The following MBOAT2 variants were observed in gnomAD, a reference collection of about 807,000 sequenced individuals.
The protein encoded by MBOAT2 is membrane bound glycerophospholipid O-acyltransferase 2.
A neutral mutation model predicts 63.4 loss-of-function variants in MBOAT2; 28 were observed. That is an observed-to-expected ratio of 0.44 (90% CI 0.33 to 0.61). The LOEUF (loss-of-function observed/expected upper bound fraction) is 0.61, where lower values mean the gene tolerates loss of function less well. MBOAT2 is among the 20% of genes least tolerant of loss of function. The probability of loss-of-function intolerance (pLI) is 0.03; values close to 1 mark genes in which losing one functional copy is unlikely to be tolerated. For synonymous variants in MBOAT2, 211 were observed against 215.6 expected (o/e 0.98, Z 0.19); for missense variants, 470 against 605.8 (o/e 0.78, Z 2.35).
intron 3 of MBOAT2, among the ~76,000 whole-genome samples, chr2:8,930,349 C>A (rs930537119): frequency 2.6e-5 from 4 of 152,064 alleles, no homozygotes; most frequent in Non-Finnish European, 5.9e-5. Flanking sequence ...TTTGTCCTTG[C>A]GATAGTTTGC....
chr2:8,900,373 C>A lies in MBOAT2; in HGVS notation c.395+8248G>T, dbSNP rs542227489. On this transcript the variant is annotated intron_variant, in intron 4 of 12. Transcript: ENST00000305997. ...AGGCCAGGGTTTGATCTAATAATAG[C>A]ATGACATCTCTCCAAGTGAGCTCAA... Among the ~76,000 whole-genome samples the A allele has an allele frequency of 2.5e-3, 384 of 152,356 alleles. 2 individuals carry two copies. Among genetic ancestry groups the A allele is most frequent in the Non-Finnish European group, 3.8e-3 (259 of 68,032 alleles).
At position 8,854,183 on chromosome 2, in the gene MBOAT2, T is replaced by A. The variant is rs13402096; in HGVS notation, c.*4496A>T. Reference sequence around the variant, plus strand: ...AACACTGTAGAGACCCTCTATGTTCTAATCTTTCAAACTCAAATTTCAGGG... The same window carrying A: ...AACACTGTAGAGACCCTCTATGTTCAAATCTTTCAAACTCAAATTTCAGGG... On this transcript the variant is annotated 3_prime_UTR_variant, in exon 13 of 13. Transcript: ENST00000305997. 1 of 152,236 alleles carries A rather than the reference T, an allele frequency of 6.6e-6. No individual in the cohort carries two copies. The highest frequency in any genetic ancestry group is 1.9e-4 in the East Asian group (1 of 5,204). The allele number at this position is 152,236 out of a possible 1,614,324, so 9.4% of individuals were successfully genotyped here.
At chr2:8,985,701 C>T (rs1291639263) in intron 1 of MBOAT2, among the ~76,000 whole-genome samples, 2 of 152,108 alleles carry the variant, frequency 1.3e-5, no homozygotes, top group Admixed American at 6.5e-5. Flanking sequence ...ATCAGTTCTA[C>T]CTTCAAGTAT....
At chr2:8,914,466 A>G (rs1232967624) in intron 3 of MBOAT2, among the ~76,000 whole-genome samples, 1 of 151,920 alleles carries the variant, frequency 6.6e-6, no homozygotes, top group African/African-American at 2.4e-5. Flanking sequence ...AATTGCAGCC[A>G]TAAGTTAGCT....
chr2:8,859,090 C>T (rs896369498), intron 12 of MBOAT2, among the ~76,000 whole-genome samples, 186 bp from the exon 13 acceptor site: 3 of 152,144 alleles, frequency 2.0e-5, no homozygotes, highest in African/African-American at 7.2e-5. Context: ...GTATTTATAG[C>T]ACTGGATAAA....
At chr2:8,891,693 T>A (rs910545511) in intron 4 of MBOAT2, among the ~76,000 whole-genome samples, 1 of 152,178 alleles carries the variant, frequency 6.6e-6, no homozygotes, top group African/African-American at 2.4e-5. Flanking sequence ...CTGGGATACC[T>A]TGACACGAAT....
At chr2:9,002,521 G>A (rs1235635951) in intron 1 of MBOAT2, among the ~76,000 whole-genome samples, 1 of 152,138 alleles carries the variant, frequency 6.6e-6, no homozygotes, top group East Asian at 1.9e-4. Flanking sequence ...AACACTTCCA[G>A]GTTAAGTACA....
intron 3 of MBOAT2, among the ~76,000 whole-genome samples, chr2:8,939,835 C>T (rs1031197112): frequency 2.6e-5 from 4 of 152,160 alleles, no homozygotes; most frequent in Non-Finnish European, 5.9e-5. Flanking sequence ...ACTTTCTCAT[C>T]CCATATCTCA....
intron 1 of MBOAT2, among the ~76,000 whole-genome samples, chr2:8,963,430 A>G (rs1269214261): frequency 6.6e-6 from 1 of 152,072 alleles, no homozygotes; most frequent in Non-Finnish European, 1.5e-5. Flanking sequence ...CAGCCTCCCA[A>G]GCAGCTGGGA....
chr2:8,996,845 C>A (rs933094585), intron 1 of MBOAT2, among the ~76,000 whole-genome samples: 1 of 152,168 alleles, frequency 6.6e-6, no homozygotes, highest in Admixed American at 6.5e-5. Flanking sequence ...CTGAATGATA[C>A]GTATAACATT....
At chr2:8,922,004 C>T (rs529525473) in intron 3 of MBOAT2, among the ~76,000 whole-genome samples, 14 of 152,194 alleles carry the variant, frequency 9.2e-5, no homozygotes, top group African/African-American at 2.9e-4. Context: ...TCGCGTTAAA[C>T]GTTGTTGATG....
chr2:8,862,379 C>A lies in MBOAT2; in HGVS notation c.1185+211G>T. The A allele has an allele frequency of 7.0e-7, 1 of 1,426,504 alleles. No individual in the cohort carries two copies. The highest frequency in any genetic ancestry group is 1.4e-5 in the African/African-American group (1 of 70,442). 88.4% of individuals were successfully genotyped at this position (1,426,504 alleles called of 1,614,324 possible). ...CTCCTACCTGCCGGGCACATAGAAA[C>A]GTGTTTTCTCCTCACAGGAACTGGG... On this transcript the variant is annotated intron_variant, in intron 11 of 12. Coordinates refer to ENST00000305997, the MANE Select transcript of MBOAT2 (RefSeq NM_138799.4). This position sits in a 1 kb window ranked among gnomAD's most constrained non-coding sequence, Gnocchi z 4.3.
At chr2:8,936,147 AG>A (rs1428736860) in intron 3 of MBOAT2, among the ~76,000 whole-genome samples, 2 of 152,184 alleles carry the variant, frequency 1.3e-5, no homozygotes, top group Non-Finnish European at 2.9e-5. Flanking sequence ...TGTGGTGGGT[AG>A]TTTGACTGTA....
rs141612610 is a variant in MBOAT2 at position 8,956,820 on chromosome 2, C to T, written c.221+1677G>A. Among the ~76,000 whole-genome samples, 393 of 152,316 alleles carry T rather than the reference C, an allele frequency of 2.6e-3. 2 individuals carry two copies. Among genetic ancestry groups the T allele is most frequent in the Non-Finnish European group, 4.1e-3 (278 of 68,016 alleles). The stretch of plus-strand genomic sequence containing the variant: ...TTATAAGGCATCCAAGAAGACTTCA[C>T]AGCAAGAGAACACTTCCTCAGTAAA... On this transcript the variant is annotated intron_variant, in intron 2 of 12. Transcript: ENST00000305997.
At chr2:8,890,146 G>A (rs1334782734) in intron 4 of MBOAT2, among the ~76,000 whole-genome samples, 4 of 152,160 alleles carry the variant, frequency 2.6e-5, no homozygotes, top group African/African-American at 4.8e-5. Context: ...TCCAAATGCT[G>A]CTCCCTTTAC....
chr2:8,945,260 A>G (rs1668334436), intron 2 of MBOAT2, among the ~76,000 whole-genome samples: 1 of 152,076 alleles, frequency 6.6e-6, no homozygotes, highest in Admixed American at 6.6e-5. Flanking sequence ...CCTCTATCTC[A>G]CTGACCTCCA....
At chr2:8,908,773 A>G (rs1665508923) in intron 3 of MBOAT2, 57 bp from the exon 4 acceptor site, 1 of 1,050,294 alleles carries the variant, frequency 9.5e-7, no homozygotes, top group Admixed American at 2.0e-5. Flanking sequence ...GTTAAAGAGT[A>G]CATTTTAAAG....
chr2:8,961,438 A>G (rs1669591252), intron 1 of MBOAT2, among the ~76,000 whole-genome samples: 1 of 152,200 alleles, frequency 6.6e-6, no homozygotes, highest in African/African-American at 2.4e-5. Flanking sequence ...CCCCAGATAA[A>G]GTGCACAAAA....
intron 1 of MBOAT2, among the ~76,000 whole-genome samples, chr2:8,965,982 C>A (rs538611403): frequency 6.6e-6 from 1 of 152,180 alleles, no homozygotes; most frequent in African/African-American, 2.4e-5. Flanking sequence ...GTTACATCCA[C>A]ATCTCTACTG....
Sources: allele counts gnomAD v4.1 joint callset (sites outside exome capture counted in the v4.1 genomes callset), GRCh38; gene constraint gnomAD v4.1.1; non-coding constraint Gnocchi (gnomAD v3.1); transcripts MANE v1.5; gene names NCBI Gene and HGNC (gene_info 2026-07-23, HGNC 2026-07-21).